Variants in MACF1 observed in about 807,000 individuals in gnomAD.
The protein encoded by MACF1 is microtubule-actin cross-linking factor 1.
Under a neutral mutation model 854.8 loss-of-function variants are expected in MACF1, and 193 were observed. The ratio of observed to expected loss-of-function variants is 0.23; its 90% CI spans 0.20 to 0.25. MACF1 has a LOEUF of 0.25. MACF1 is among the 10% of genes least tolerant of loss of function. The pLI is 1.00. For missense variants in MACF1, 7,722 were observed against 8,929.1 expected (o/e 0.86, Z 5.45); for synonymous variants, 3,185 against 3,226.7 (o/e 0.99, Z 0.44).
intron 58 of MACF1, chr1:39,411,137 C>G: frequency 1.2e-6 from 2 of 1,613,700 alleles, no homozygotes; most frequent in South Asian, 1.1e-5. Flanking sequence ...CCACCTCTCT[C>G]CCCTTGCCTG....
chr1:39,271,525 G>A (rs553668030), intron 6 of MACF1, among the ~76,000 whole-genome samples: 41 of 152,268 alleles, frequency 2.7e-4, no homozygotes, highest in African/African-American at 9.9e-4. Flanking sequence ...ATGAGATTTG[G>A]TAGGGACACA....
At chr1:39,246,727 C>T (rs914407414) in intron 2 of MACF1, among the ~76,000 whole-genome samples, 1 of 151,920 alleles carries the variant, frequency 6.6e-6, no homozygotes. Context: ...CCAGACTGGT[C>T]TCGAACTCCT....
chr1:39,193,295 A>G (rs185418555), intron 2 of MACF1, among the ~76,000 whole-genome samples: 3 of 152,092 alleles, frequency 2.0e-5, no homozygotes, highest in African/African-American at 7.2e-5. Context: ...CATTGGGGAA[A>G]AGGGTCAAAA....
chr1:39,343,678 C>G (rs1646983639), intron 40 of MACF1, among the ~76,000 whole-genome samples: 1 of 152,158 alleles, frequency 6.6e-6, no homozygotes, highest in South Asian at 2.1e-4. Flanking sequence ...AGGAAGGAAG[C>G]TTTGTCTTAT....
At chr1:39,404,578 A>G (rs1184692471) in intron 58 of MACF1, among the ~76,000 whole-genome samples, 1 of 152,074 alleles carries the variant, frequency 6.6e-6, no homozygotes, top group Non-Finnish European at 1.5e-5. Context: ...GTAACCTTGA[A>G]CTCCTGGGCT....
At chr1:39,092,532 G>A (rs1641831623) in intron 2 of MACF1, among the ~76,000 whole-genome samples, 1 of 152,216 alleles carries the variant, frequency 6.6e-6, no homozygotes, top group Non-Finnish European at 1.5e-5. Flanking sequence ...TACTTAATGT[G>A]CATGGCGCCC....
At chr1:39,169,796 T>C (rs1643923165) in intron 2 of MACF1, among the ~76,000 whole-genome samples, 1 of 136,040 alleles carries the variant, frequency 7.4e-6, no homozygotes. Context: ...TTTTTGAGAC[T>C]GGAGTCTCGC....
At chr1:39,101,392 G>GTA (rs1244221903) in intron 2 of MACF1, among the ~76,000 whole-genome samples, 2 of 148,306 alleles carry the variant, frequency 1.3e-5, no homozygotes, top group East Asian at 4.1e-4. Flanking sequence ...ATATATATGT[G>GTA]TGTGTATATG....
intron 40 of MACF1, among the ~76,000 whole-genome samples, chr1:39,344,272 A>T (rs374309714): frequency 1.5e-3 from 234 of 151,866 alleles, no homozygotes; most frequent in African/African-American, 3.6e-3. Flanking sequence ...TACTAAAAAA[A>T]ATATATAAAA....
intron 2 of MACF1, among the ~76,000 whole-genome samples, chr1:39,234,237 C>T (rs1644823918): frequency 6.6e-6 from 1 of 152,266 alleles, no homozygotes; most frequent in Non-Finnish European, 1.5e-5. Flanking sequence ...CTTTTCCCCA[C>T]CTCTCCCTCC....
At chr1:39,256,053 G>C (rs979212466) in intron 5 of MACF1, among the ~76,000 whole-genome samples, 1 of 152,154 alleles carries the variant, frequency 6.6e-6, no homozygotes, top group Non-Finnish European at 1.5e-5. Flanking sequence ...AAAAACGAAA[G>C]TCATCAGAAT....
At chr1:39,320,814 T>A (rs538147795) in intron 31 of MACF1, among the ~76,000 whole-genome samples, 70 of 149,636 alleles carry the variant, frequency 4.7e-4, no homozygotes, top group Middle Eastern at 3.4e-3. Context: ...AAAAAAAAAA[T>A]TTTAAATTAG....
chr1:39,247,879 G>T (rs1285216036), intron 2 of MACF1, among the ~76,000 whole-genome samples: 1 of 152,142 alleles, frequency 6.6e-6, no homozygotes, highest in Non-Finnish European at 1.5e-5. Flanking sequence ...AAAATTAGCT[G>T]ATTGTGGTGG....
At chr1:39,129,377 C>T (rs928014649) in intron 2 of MACF1, among the ~76,000 whole-genome samples, 9 of 152,156 alleles carry the variant, frequency 5.9e-5, no homozygotes, top group African/African-American at 2.2e-4. Flanking sequence ...ATATTAAAGG[C>T]TGGCGTATTG....
At chr1:39,347,429 A>G (rs1378637043) in intron 41 of MACF1, among the ~76,000 whole-genome samples, 1 of 152,206 alleles carries the variant, frequency 6.6e-6, no homozygotes, top group Admixed American at 6.5e-5. Context: ...GAGAGAATGT[A>G]TGTGTTGACA....
Position 39,283,397 on chromosome 1 carries a change from A to C in MACF1, c.809-12A>C. On this transcript the variant is annotated splice_polypyrimidine_tract_variant and intron_variant, in intron 8 of 100. Coordinates refer to ENST00000564288, the MANE Select transcript of MACF1 (RefSeq NM_001394062.1). The surrounding 1 kb of genome is among the most constrained non-coding windows in gnomAD (Gnocchi z 4.5). ...GTTCTGACTAAGAAATTTCTTGTCC[A>C]TTCTCTCTCAGATGTGGATGTGCCA... 1.3e-6 allele frequency: 2 copies of C among 1,598,924 alleles called. No homozygotes were observed. The highest frequency in any genetic ancestry group is 1.1e-5 in the South Asian group (1 of 90,746).
At chr1:39,417,732 TTTTTTTTTTTTTTTTTTGG>T (rs1445870607) in intron 58 of MACF1, among the ~76,000 whole-genome samples, 8 of 110,156 alleles carry the variant, frequency 7.3e-5, no homozygotes, top group African/African-American at 2.7e-4. Context: ...TTTTTTTTTT[TTTTTTTTTTTTTTTTTTGG>T]ATTTTTAGTA....
chr1:39,212,643 G>A (rs1644530413), intron 1 of MACF1, among the ~76,000 whole-genome samples: 2 of 152,026 alleles, frequency 1.3e-5, no homozygotes, highest in Non-Finnish European at 2.9e-5. Flanking sequence ...TTTATTTTGA[G>A]ACATAGTCTC....
rs951689835 is a variant in MACF1 at position 39,468,455 on chromosome 1, A to G, written c.21772-160A>G. On this transcript the variant is annotated intron_variant, in intron 95 of 100. Coordinates refer to ENST00000564288, the MANE Select transcript of MACF1 (RefSeq NM_001394062.1). ...ATATTTCTGCTTTTCTATTTTTAAA[A>G]TCCTTTTGTGAAATATATAAAAATG... is the stretch of plus-strand genomic sequence containing the variant. The G allele has an allele frequency of 1.4e-5, 8 of 584,564 alleles. No individual in the cohort carries two copies. The African/African-American group carries it at 1.5e-4, about 11-fold the overall frequency. The allele number at this position is 584,564 out of a possible 1,614,324, so 36.2% of individuals were successfully genotyped here. A position where few individuals can be genotyped will look rare whatever the true frequency, so the allele number is the denominator to read the frequency against.
Sources: gnomAD v4.1 joint callset for allele counts (sites outside exome capture counted in the v4.1 genomes callset) on GRCh38, gnomAD v4.1.1 for gene constraint, Gnocchi (gnomAD v3.1) non-coding constraint, MANE v1.5 for transcripts, NCBI Gene and HGNC (gene_info 2026-07-23, HGNC 2026-07-21) for gene names.